The following HS6ST2 variants were observed in gnomAD, a reference collection of about 807,000 sequenced individuals.
HS6ST2 encodes heparan sulfate 6-O-sulfotransferase 2, also known as heparan-sulfate 6-O-sulfotransferase 2.
A neutral mutation model predicts 33.0 loss-of-function variants in HS6ST2; 17 were observed. That is an observed-to-expected ratio of 0.52 (90% CI 0.35 to 0.77). The LOEUF (loss-of-function observed/expected upper bound fraction) is 0.77. HS6ST2 is among the 30% of genes least tolerant of loss of function. The pLI is 0.01. For synonymous variants in HS6ST2, 248 were observed against 237.1 expected, an observed-to-expected ratio of 1.05 and a Z score of -0.42; for missense variants, 519 against 551.7, an observed-to-expected ratio of 0.94 and a Z score of 0.59.
At chrX:132,823,950 G>T (rs2065490434) in intron 2 of HS6ST2, among the ~76,000 whole-genome samples, 1 of 109,078 alleles carries the variant, frequency 9.2e-6, no homozygotes, top group Non-Finnish European at 1.9e-5. Flanking sequence ...ATTTTTAATG[G>T]CTGAGTAGTA....
chrX:132,954,010 A>T (rs2067041991), intron 2 of HS6ST2, among the ~76,000 whole-genome samples: 1 of 112,179 alleles, frequency 8.9e-6, no homozygotes, highest in Admixed American at 9.4e-5. Context: ...CGCTAAAAAA[A>T]CTCAGTGACC....
chrX:132,894,142 G>C (rs375574356), intron 2 of HS6ST2, among the ~76,000 whole-genome samples: 1,129 of 106,115 alleles, frequency 0.011, 8 homozygotes, highest in South Asian at 0.044. Context: ...TTTTTTGTGG[G>C]GGGGGAGGTG....
intron 2 of HS6ST2, among the ~76,000 whole-genome samples, chrX:132,953,033 C>A (rs1190866605): frequency 9.0e-6 from 1 of 111,493 alleles, no homozygotes; most frequent in Non-Finnish European, 1.9e-5. Flanking sequence ...TGCTGGCCAG[C>A]ATGATACTTA....
At position 132,923,062 on chromosome X, in the gene HS6ST2, C is replaced by CAAA. The variant is rs34136355; in HGVS notation, c.947+33743_947+33745dup. 1.7e-3 allele frequency among the ~76,000 whole-genome samples: 82 copies of CAAA among 47,522 alleles called. 1 individual carries two copies. The highest frequency in any genetic ancestry group is 5.4e-3 in the African/African-American group (65 of 12,141). 41.3% of individuals were successfully genotyped at this position (47,522 alleles called of 115,157 possible). ...TGGGTGACGGAGCTGGACTCTGTCT[C>CAAA]AAAAAAAAAAAAAAAAAAAAAAATT... is the stretch of plus-strand genomic sequence containing the variant. On this transcript the variant is annotated intron_variant, in intron 2 of 4. Transcript: ENST00000370833.
intron 2 of HS6ST2, among the ~76,000 whole-genome samples, chrX:132,783,653 C>T (rs899374511): frequency 3.6e-5 from 4 of 111,017 alleles, no homozygotes; most frequent in Non-Finnish European, 5.7e-5. Context: ...CCCAGGGAGA[C>T]CCCAAGCCTG....
intron 2 of HS6ST2, among the ~76,000 whole-genome samples, chrX:132,887,409 A>G (rs904986906): frequency 4.5e-5 from 5 of 112,162 alleles, no homozygotes; most frequent in Non-Finnish European, 9.4e-5. Context: ...TATGCCATCA[A>G]TTGTCATTAG....
chrX:132,634,662 G>A (rs2063540967), intron 4 of HS6ST2, among the ~76,000 whole-genome samples: 1 of 111,973 alleles, frequency 8.9e-6, no homozygotes, highest in Admixed American at 9.5e-5. Context: ...TGCTGGGAGT[G>A]CAGTATCCTG....
intron 2 of HS6ST2, among the ~76,000 whole-genome samples, chrX:132,774,396 C>CTT (rs2064935770): frequency 8.9e-6 from 1 of 112,206 alleles, no homozygotes; most frequent in African/African-American, 3.2e-5. Flanking sequence ...TGCAAATAGT[C>CTT]TTGCTTCTTG....
chrX:132,869,647 G>T (rs189087688), intron 2 of HS6ST2, among the ~76,000 whole-genome samples: 1 of 111,476 alleles, frequency 9.0e-6, no homozygotes, highest in Non-Finnish European at 1.9e-5. Context: ...ATCACAAAAA[G>T]AGAACCAATG....
At chrX:132,670,839 TA>T (rs1456395295) in intron 3 of HS6ST2, among the ~76,000 whole-genome samples, 3 of 111,491 alleles carry the variant, frequency 2.7e-5, no homozygotes, top group African/African-American at 9.8e-5. Context: ...AAAAAACGTC[TA>T]GGGGGTATGA....
intron 2 of HS6ST2, among the ~76,000 whole-genome samples, chrX:132,761,031 T>A (rs1008317508): frequency 9.0e-6 from 1 of 111,321 alleles, no homozygotes; most frequent in East Asian, 2.8e-4. Flanking sequence ...GGATAAGATA[T>A]GGGTGAAAAA....
At chrX:132,828,755 G>T (rs1182507119) in intron 2 of HS6ST2, among the ~76,000 whole-genome samples, 1 of 75,414 alleles carries the variant, frequency 1.3e-5, no homozygotes, top group Admixed American at 1.5e-4. Context: ...CACAAACATA[G>T]GTGTGATTTA....
chrX:132,917,195 G>T (rs1312323161), intron 2 of HS6ST2, among the ~76,000 whole-genome samples: 1 of 111,375 alleles, frequency 9.0e-6, no homozygotes, highest in Non-Finnish European at 1.9e-5. Flanking sequence ...AAAACTACTG[G>T]ACTAGAAGAT....
At chrX:132,931,445 A>AC (rs1007722676) in intron 2 of HS6ST2, among the ~76,000 whole-genome samples, 4 of 111,609 alleles carry the variant, frequency 3.6e-5, no homozygotes, top group Non-Finnish European at 7.5e-5. Flanking sequence ...ACAACACTGG[A>AC]CCCCCCAGTC....
chrX:132,881,574 T>C (rs2066174227), intron 2 of HS6ST2, among the ~76,000 whole-genome samples: 1 of 111,833 alleles, frequency 8.9e-6, no homozygotes, highest in Non-Finnish European at 1.9e-5. Flanking sequence ...TTCTGTAGGT[T>C]GCCTGTTCAC....
intron 2 of HS6ST2, among the ~76,000 whole-genome samples, chrX:132,841,657 T>G (rs953708245): frequency 1.8e-5 from 2 of 111,793 alleles, no homozygotes; most frequent in Non-Finnish European, 3.8e-5. Flanking sequence ...TTCTCAAAAG[T>G]ACACTTCAGT....
chrX:132,646,808 G>A (rs2063648075), intron 4 of HS6ST2, among the ~76,000 whole-genome samples: 2 of 111,721 alleles, frequency 1.8e-5, no homozygotes, highest in African/African-American at 6.5e-5. Context: ...TGGACTCACA[G>A]TTCCACATGT....
intron 2 of HS6ST2, among the ~76,000 whole-genome samples, chrX:132,815,281 T>C (rs771923363): frequency 4.4e-5 from 5 of 112,429 alleles, no homozygotes; most frequent in African/African-American, 6.5e-5. Context: ...ATAACAATCA[T>C]TTTATGTATC....
At position 132,640,806 on chromosome X, in the gene HS6ST2, T is replaced by A. The variant is rs182349089; in HGVS notation, c.1068-11713A>T. Among the ~76,000 whole-genome samples the A allele has an allele frequency of 6.2e-5, 7 of 112,776 alleles. No homozygotes were observed. In the East Asian group the frequency reaches 1.9e-3, roughly 31 times the overall value. On this transcript the variant is annotated intron_variant, in intron 4 of 4. Transcript: ENST00000370833. ...AAATGTATTATTAAAATTAATTTCA[T>A]CTGTATCCCCATTTTTAATGTGGAT...
Sources: gnomAD v4.1 joint callset for allele counts (sites outside exome capture counted in the v4.1 genomes callset) on GRCh38, gnomAD v4.1.1 for gene constraint, MANE v1.5 for transcripts, NCBI Gene and HGNC (gene_info 2026-07-23, HGNC 2026-07-21) for gene names.